The following KIZ variants were observed in gnomAD, a reference collection of about 807,000 sequenced individuals.
KIZ encodes kizuna centrosomal protein, also known as centrosomal protein kizuna.
In KIZ, 68 loss-of-function variants were observed where a neutral mutation model predicts 79.6. That is an observed-to-expected ratio of 0.85 (90% CI 0.70 to 1.05). The LOEUF is 1.05. Among genes scored for constraint, KIZ ranks in the 50% least tolerant of loss-of-function variants. The pLI is 0.00. For synonymous variants in KIZ, 280 were observed against 281.8 expected (o/e 0.99, Z 0.06); for missense variants, 797 against 800.4 (o/e 1.00, Z 0.05).
chr20:21,169,674 C>G (rs918259590), intron 6 of KIZ, among the ~76,000 whole-genome samples: 2 of 152,142 alleles, frequency 1.3e-5, no homozygotes, highest in Non-Finnish European at 2.9e-5. Context: ...GACTTGGAAC[C>G]AACCCAAAAA....
intron 7 of KIZ, among the ~76,000 whole-genome samples, chr20:21,208,153 G>A (rs2035914722): frequency 6.6e-6 from 1 of 152,182 alleles, no homozygotes; most frequent in African/African-American, 2.4e-5. Flanking sequence ...TGAAATAAGT[G>A]TTGATCGACT....
At chr20:21,175,054 G>T (rs765977207) in intron 6 of KIZ, among the ~76,000 whole-genome samples, 11 of 152,120 alleles carry the variant, frequency 7.2e-5, no homozygotes, top group Non-Finnish European at 1.6e-4. Context: ...ATGACCTTTG[G>T]CACCTCAATA....
intron 12 of KIZ, 22 bp from the exon 13 acceptor site, chr20:21,246,457 A>G: frequency 2.0e-6 from 3 of 1,464,268 alleles, no homozygotes; most frequent in Non-Finnish European, 1.9e-6. Flanking sequence ...ATGTTAAATA[A>G]CTGTCTGGTT....
chr20:21,139,207 G>A (rs2032378568), intron 3 of KIZ: 1 of 151,476 alleles, frequency 6.6e-6, no homozygotes, highest in Non-Finnish European at 1.5e-5. Flanking sequence ...CTCCAGATTG[G>A]CTCCTGTGTC....
chr20:21,220,727 A>AC (rs1183501548), intron 9 of KIZ, among the ~76,000 whole-genome samples: 1 of 151,838 alleles, frequency 6.6e-6, no homozygotes, highest in African/African-American at 2.4e-5. Context: ...ATACCCACCC[A>AC]CCTTGGCCTC....
chr20:21,214,427 C>T (rs149542880), intron 7 of KIZ, 108 bp from the exon 8 acceptor site: 2 of 722,634 alleles, frequency 2.8e-6, no homozygotes, highest in Non-Finnish European at 4.4e-6. Flanking sequence ...AGATTAAATC[C>T]TAAGTAAAGC....
intron 9 of KIZ, among the ~76,000 whole-genome samples, chr20:21,217,838 T>TCC: frequency 6.6e-6 from 1 of 152,244 alleles, no homozygotes; most frequent in East Asian, 1.9e-4. Flanking sequence ...CCCCAGCATT[T>TCC]CCAAACCAGC....
At chr20:21,232,682 C>A in intron 10 of KIZ, 52 bp from the exon 11 acceptor site, 1 of 896,572 alleles carries the variant, frequency 1.1e-6, no homozygotes, top group South Asian at 1.4e-5. Context: ...TCATTTTGTC[C>A]CATGGCTGCA....
chr20:21,234,083 A>G (rs2036919273), intron 11 of KIZ, among the ~76,000 whole-genome samples: 1 of 152,234 alleles, frequency 6.6e-6, no homozygotes, highest in African/African-American at 2.4e-5. Flanking sequence ...GCTTAATAAT[A>G]TATAGAGGCA....
chr20:21,210,169 G>A (rs888443444), intron 7 of KIZ, among the ~76,000 whole-genome samples: 1 of 152,064 alleles, frequency 6.6e-6, no homozygotes, highest in African/African-American at 2.4e-5. Context: ...TTAGCCAGGT[G>A]TAATGGCATG....
At chr20:21,227,155 C>A (rs561943804) in intron 9 of KIZ, among the ~76,000 whole-genome samples, 4 of 152,310 alleles carry the variant, frequency 2.6e-5, no homozygotes, top group Non-Finnish European at 4.4e-5. Flanking sequence ...CAGCCCTTCT[C>A]CTGTTTGGGC....
intron 4 of KIZ, among the ~76,000 whole-genome samples, chr20:21,152,775 G>A (rs758446207): frequency 3.3e-5 from 5 of 152,256 alleles, no homozygotes; most frequent in East Asian, 1.9e-4. Context: ...TTGGAATGCC[G>A]AATTTCTCTT....
chr20:21,219,277 C>G (rs2036422156), intron 9 of KIZ, among the ~76,000 whole-genome samples: 1 of 152,062 alleles, frequency 6.6e-6, no homozygotes, highest in Non-Finnish European at 1.5e-5. Flanking sequence ...CAGTATCTTC[C>G]AGGGGTGAGT....
chr20:21,142,924 T>A (rs919206861), intron 3 of KIZ, among the ~76,000 whole-genome samples: 3 of 152,222 alleles, frequency 2.0e-5, no homozygotes, highest in Non-Finnish European at 4.4e-5. Context: ...TGGTTTCTGC[T>A]GAGGATTGTG....
At chr20:21,204,184 C>T (rs1054337316) in intron 6 of KIZ, among the ~76,000 whole-genome samples, 2 of 126,522 alleles carry the variant, frequency 1.6e-5, no homozygotes, top group Non-Finnish European at 1.6e-5. Flanking sequence ...GGCGGGATCT[C>T]GGCTCACTGC....
chr20:21,205,614 C>T (rs773871873), intron 7 of KIZ, 30 bp downstream of exon 7: 23 of 971,858 alleles, frequency 2.4e-5, no homozygotes, highest in Non-Finnish European at 3.3e-5. Flanking sequence ...GAAGTTTTCC[C>T]AATCACAAAT....
chr20:21,204,279 C>G (rs1337375555), intron 6 of KIZ, among the ~76,000 whole-genome samples: 1 of 150,562 alleles, frequency 6.6e-6, no homozygotes, highest in Non-Finnish European at 1.5e-5. Context: ...CTACGCCCGG[C>G]TAATTTTTTG....
chr20:21,219,248 A>C (rs1402304019), intron 9 of KIZ, among the ~76,000 whole-genome samples: 1 of 152,192 alleles, frequency 6.6e-6, no homozygotes, highest in Non-Finnish European at 1.5e-5. Flanking sequence ...CTAGCTCTTC[A>C]TTTCAGCAAA....
At chr20:21,219,679 T>A (rs1248256234) in intron 9 of KIZ, among the ~76,000 whole-genome samples, 2 of 152,192 alleles carry the variant, frequency 1.3e-5, no homozygotes, top group Admixed American at 1.3e-4. Flanking sequence ...CTGACATTCC[T>A]TCTAATGCCA....
Sources: allele counts gnomAD v4.1 joint callset (sites outside exome capture counted in the v4.1 genomes callset), GRCh38; gene constraint gnomAD v4.1.1; transcripts MANE v1.5; gene names NCBI Gene and HGNC (gene_info 2026-07-23, HGNC 2026-07-21).